The following FAM178B variants were observed in gnomAD, a reference collection of about 807,000 sequenced individuals.
FAM178B encodes the protein family with sequence similarity 178 member B, also known as protein FAM178B.
Under a neutral mutation model 91.7 loss-of-function variants are expected in FAM178B, and 82 were observed. The ratio of observed to expected loss-of-function variants is 0.89; its 90% CI spans 0.75 to 1.07. The LOEUF (loss-of-function observed/expected upper bound fraction) is 1.07, where lower values mean the gene tolerates loss of function less well. FAM178B is among the 50% of genes least tolerant of loss of function. The probability of loss-of-function intolerance (pLI) is 0.00; values close to 1 mark genes in which losing one functional copy is unlikely to be tolerated. For missense variants in FAM178B, 769 were observed against 846.7 expected (o/e 0.91, Z 1.14); for synonymous variants, 368 against 359.4 (o/e 1.02, Z -0.27).
intron 10 of FAM178B, among the ~76,000 whole-genome samples, chr2:96,922,381 G>A (rs1004959878): frequency 2.0e-5 from 3 of 152,136 alleles, no homozygotes; most frequent in Admixed American, 2.0e-4. Flanking sequence ...ACAGAGTCTT[G>A]CTCTGTCACC....
intron 13 of FAM178B, chr2:96,894,971 G>A (rs1041586786): frequency 1.2e-4 from 127 of 1,080,388 alleles, no homozygotes; most frequent in Non-Finnish European, 1.5e-4. Context: ...ACCCTCCCTT[G>A]CATCCCTCTC....
At chr2:96,915,805 G>GAA (rs202238347) in intron 12 of FAM178B, among the ~76,000 whole-genome samples, 14 of 134,910 alleles carry the variant, frequency 1.0e-4, no homozygotes, top group African/African-American at 3.0e-4. Flanking sequence ...GACAGAGTGG[G>GAA]AAAAAAAAAA....
At chr2:96,979,750 CTG>C (rs139631125) in intron 1 of FAM178B, among the ~76,000 whole-genome samples, 10,720 of 152,248 alleles carry the variant, frequency 0.07, 503 homozygotes, top group Middle Eastern at 0.17. Flanking sequence ...TTCCCACCAA[CTG>C]TGTATAAGTG....
rs934833197 is a variant in FAM178B, at chr2:96,972,005, A to G, written c.460T>C (p.Leu154=). 6.4e-7 allele frequency: 1 copy of G among 1,555,806 alleles called. No homozygotes were observed. Among genetic ancestry groups the G allele is most frequent in the Non-Finnish European group, 8.7e-7 (1 of 1,150,384 alleles). Residue 154 remains leucine (L), a synonymous_variant, in exon 3 of 17, where the codon TTG becomes CTG. Transcript: ENST00000490605. ...RRLAGELPEE[L]EQEHLDLDPK... ...TCCAAGTCCAGGTGTTCCTGCTCCA[A>G]CTCCTCGGGCAGCTCACCAGCCAGT...
intron 1 of FAM178B, among the ~76,000 whole-genome samples, chr2:96,983,497 C>T (rs1488979535): frequency 6.6e-6 from 1 of 151,906 alleles, no homozygotes; most frequent in East Asian, 1.9e-4. Context: ...GTGATAACAG[C>T]TCACTGCAGC....
intron 8 of FAM178B, among the ~76,000 whole-genome samples, chr2:96,933,471 G>A (rs1022897314): frequency 6.6e-6 from 1 of 152,086 alleles, no homozygotes; most frequent in Admixed American, 6.5e-5. Context: ...ATTCACTACC[G>A]TTCTCCTGGC....
chr2:96,970,868 ATTT>A (rs968702322), intron 3 of FAM178B, 91 bp from the exon 4 acceptor site: 2 of 932,354 alleles, frequency 2.1e-6, no homozygotes, highest in East Asian at 5.3e-5. Context: ...CCCTTTATTT[ATTT>A]TGTTTGCTTT....
At chr2:96,967,885 A>C (rs979187033) in intron 4 of FAM178B, among the ~76,000 whole-genome samples, 19 of 122,024 alleles carry the variant, frequency 1.6e-4, no homozygotes, top group Non-Finnish European at 3.3e-4. Context: ...CTTCCAATGC[A>C]TCTTTACTTG....
chr2:96,986,284 G>A lies in FAM178B; in HGVS notation c.30C>T (p.Leu10=), dbSNP rs2082422799. ...GATCCTGCCTCCTGAGTTGTGGAGC[G>A]AGGCCCGCACCTGGAAGCCTTGGCC... MWPRLPGAG[L]APQLRRQDQR... The change falls in exon 1 of 17, where the codon CTC becomes CTT. Residue 10 remains leucine (L), a synonymous_variant. Transcript: ENST00000490605. The A allele has an allele frequency of 1.3e-6, 2 of 1,534,422 alleles. No homozygotes were observed. Among genetic ancestry groups the A allele is most frequent in the Admixed American group, 2.0e-5 (1 of 51,000 alleles).
intron 12 of FAM178B, among the ~76,000 whole-genome samples, chr2:96,903,916 G>A (rs576660433): frequency 6.6e-6 from 1 of 152,122 alleles, no homozygotes; most frequent in Non-Finnish European, 1.5e-5. Context: ...CAGAGGACTC[G>A]ACAAAGCAGC....
In FAM178B at chr2:96,923,553, C is replaced by A. The variant is rs1299555881; in HGVS notation, c.1224G>T (p.Glu408Asp). The change falls in exon 10 of 17, where the codon GAG becomes GAT. Residue 408 changes from glutamate to aspartate, a missense_variant. Physicochemically the swap from Glu to Asp is conservative, Grantham distance 45. Coordinates refer to ENST00000490605, the MANE Select transcript of FAM178B (RefSeq NM_001122646.3). The stretch of plus-strand genomic sequence containing the variant: ...CTTGGGGAGCGTCCTGCTCCTCATT[C>A]TCATTCAGGCCAGCCTCGCCTGGAA... ...RVLPGEAGLN[E>D]NEEQDAPQEI... is the part of the protein sequence containing the mutation. 1.3e-6 allele frequency: 2 copies of A among 1,551,740 alleles called. No individual in the cohort carries two copies. Among genetic ancestry groups the A allele is most frequent in the Non-Finnish European group, 1.7e-6 (2 of 1,146,992 alleles).
chr2:96,966,050 G>A (rs1013094128), intron 5 of FAM178B, among the ~76,000 whole-genome samples: 1 of 151,818 alleles, frequency 6.6e-6, no homozygotes, highest in Non-Finnish European at 1.5e-5. Flanking sequence ...TCAACACAGC[G>A]GCCAGAGGGT....
chr2:96,970,420 T>C (rs1345724438), intron 4 of FAM178B, among the ~76,000 whole-genome samples: 1 of 152,192 alleles, frequency 6.6e-6, no homozygotes, highest in East Asian at 1.9e-4. Context: ...CCCTCTCACA[T>C]AACCCTTGAG....
chr2:96,968,938 C>T lies in FAM178B; in HGVS notation c.627-1311G>A, dbSNP rs147237134. On this transcript the variant is annotated intron_variant, in intron 4 of 16. Transcript: ENST00000490605. ...CTGCACTGAGAATTTGGGTCCTAAC[C>T]GGCACAGTCTGTCTTATCCACCTTT... Among the ~76,000 whole-genome samples the T allele has an allele frequency of 1.2e-3, 184 of 152,278 alleles. 1 individual carries two copies. In the South Asian group the frequency reaches 0.016, roughly 13 times the overall value.
chr2:96,889,217 C>T (rs754712674), intron 14 of FAM178B, among the ~76,000 whole-genome samples: 8 of 152,204 alleles, frequency 5.3e-5, no homozygotes, highest in South Asian at 2.1e-4. Flanking sequence ...GGACCATCCC[C>T]CTTTGTGGTC....
At chr2:96,930,524 CTG>C (rs1254662972) in intron 8 of FAM178B, among the ~76,000 whole-genome samples, 1 of 152,184 alleles carries the variant, frequency 6.6e-6, no homozygotes, top group Non-Finnish European at 1.5e-5. Flanking sequence ...GCTTCTCCTT[CTG>C]TCTCTCCCCG....
intron 1 of FAM178B, among the ~76,000 whole-genome samples, chr2:96,980,447 G>C (rs2153376437): frequency 6.6e-6 from 1 of 152,294 alleles, no homozygotes; most frequent in Non-Finnish European, 1.5e-5. Context: ...ACCCAGGCTG[G>C]AGTGCAGTGG....
intron 12 of FAM178B, among the ~76,000 whole-genome samples, chr2:96,911,497 G>A (rs1296574407): frequency 6.6e-6 from 1 of 152,206 alleles, no homozygotes; most frequent in Non-Finnish European, 1.5e-5. Flanking sequence ...GGGAAAGGGG[G>A]CACCAATGCC....
In FAM178B at chr2:96,936,264, T is replaced by C. The variant is rs758669296; in HGVS notation, c.1079-6944A>G. On this transcript the variant is annotated intron_variant, in intron 8 of 16. Transcript: ENST00000490605. ...TTGCCCAGGCTGGGGTGCAGTGGCA[T>C]GATCTCTGCTCACTGTAAGCTCCAC... Among the ~76,000 whole-genome samples the C allele has an allele frequency of 8.5e-5, 13 of 152,148 alleles. No individual in the cohort carries two copies. In the East Asian group the frequency reaches 9.7e-4, roughly 11 times the overall value.
Sources: allele counts gnomAD v4.1 joint callset (sites outside exome capture counted in the v4.1 genomes callset), GRCh38; gene constraint gnomAD v4.1.1; transcripts MANE v1.5; gene names NCBI Gene and HGNC (gene_info 2026-07-23, HGNC 2026-07-21).